Variants in IFT80 observed in about 807,000 individuals in gnomAD.
IFT80 encodes intraflagellar transport 80, also known as intraflagellar transport protein 80 homolog.
In IFT80, 79 loss-of-function variants were observed where a neutral mutation model predicts 107.9. That is an observed-to-expected ratio of 0.73 (90% confidence interval 0.61 to 0.88). IFT80 has a LOEUF of 0.88. Ranked by LOEUF, IFT80 falls within the 40% of genes least tolerant of loss-of-function variation. IFT80 has a pLI of 0.00. For missense variants in IFT80, 797 were observed against 914.2 expected, an observed-to-expected ratio of 0.87 and a Z score of 1.65; for synonymous variants, 299 against 300.9, an observed-to-expected ratio of 0.99 and a Z score of 0.07.
chr3:160,379,714 A>G (rs1207885988), intron 3 of IFT80, among the ~76,000 whole-genome samples: 3 of 152,202 alleles, frequency 2.0e-5, no homozygotes, highest in African/African-American at 7.2e-5. Context: ...AATTATATCA[A>G]AATAATTGTT....
chr3:160,377,999 C>T (rs1712162770), intron 3 of IFT80: 1 of 153,056 alleles, frequency 6.5e-6, no homozygotes, highest in African/African-American at 2.4e-5. Context: ...TTATTCTTTG[C>T]ACTGTTGACT....
chr3:160,355,148 T>A (rs1053042590), intron 8 of IFT80, among the ~76,000 whole-genome samples: 4 of 152,338 alleles, frequency 2.6e-5, no homozygotes, highest in Admixed American at 1.3e-4. Context: ...TTCCCCAGGT[T>A]CTAAACAGAA....
At position 160,268,455 on chromosome 3, in the gene IFT80, A is replaced by C. The variant is rs1377671160; in HGVS notation, c.2181T>G (p.Gly727=). Reference sequence around the variant, plus strand: ...AGTATCGTTTATTAGTTTCCTGTTTACCAAATGTCTCCAAAAACTTTTGAC... The same window carrying C: ...AGTATCGTTTATTAGTTTCCTGTTTCCCAAATGTCTCCAAAAACTTTTGAC... ...AYRQKFLETF[G]KQETNKRYLH... is the part of the protein sequence containing the mutation. Residue 727 remains glycine, a synonymous_variant, in exon 19 of 20, where the codon GGT becomes GGG. Transcript: ENST00000326448. 6.2e-7 allele frequency: 1 copy of C among 1,613,456 alleles called. No individual in the cohort carries two copies. Among genetic ancestry groups the C allele is most frequent in the Admixed American group, 1.7e-5 (1 of 60,002 alleles).
Position 160,277,633 on chromosome 3 carries a change from A to G in IFT80, c.1874T>C (p.Val625Ala). Residue 625 changes from valine (V) to alanine (A), a missense_variant, in exon 17 of 20, where the codon GTT becomes GCT. Physicochemically the swap from Val to Ala is moderately conservative, Grantham distance 64 (BLOSUM62 0). Transcript: ENST00000326448. ...TGCAGTAGTCATATCTCGATTAGCA[A>G]CTGCCATAGCAGCTAGACAAGCCCA... ...TMWACLAAMA[V>A]ANRDMTTAEI... The G allele has an allele frequency of 1.9e-6, 3 of 1,613,738 alleles. No individual in the cohort carries two copies. Among genetic ancestry groups the G allele is most frequent in the Non-Finnish European group, 2.5e-6 (3 of 1,179,786 alleles).
At chr3:160,348,113 A>G (rs909968087) in intron 8 of IFT80, among the ~76,000 whole-genome samples, 2 of 152,088 alleles carry the variant, frequency 1.3e-5, no homozygotes, top group Admixed American at 1.3e-4. Flanking sequence ...ATATCATTTT[A>G]TTTATTTACT....
At chr3:160,279,060 C>A in intron 16 of IFT80, 133 bp downstream of exon 16, 1 of 689,850 alleles carries the variant, frequency 1.4e-6, no homozygotes, top group East Asian at 2.7e-5. Flanking sequence ...TTGCCCATGT[C>A]TTTACTTATA....
intron 12 of IFT80, among the ~76,000 whole-genome samples, chr3:160,299,628 T>C (rs1396818328): frequency 6.6e-6 from 1 of 152,200 alleles, no homozygotes; most frequent in Non-Finnish European, 1.5e-5. Context: ...CTTCTTTGTG[T>C]ACACTTACTT....
intron 8 of IFT80, among the ~76,000 whole-genome samples, chr3:160,351,586 GTATATATAATATATATATTTGTATATAT>G (rs1281140047): frequency 6.9e-6 from 1 of 144,570 alleles, no homozygotes; most frequent in African/African-American, 2.5e-5. Context: ...TATATTATAT[GTATATATAATATATATATTTGTATATAT>G]TATATATATA....
intron 13 of IFT80, among the ~76,000 whole-genome samples, chr3:160,285,122 T>C (rs1714989652): frequency 6.6e-6 from 1 of 152,138 alleles, no homozygotes; most frequent in South Asian, 2.1e-4. Context: ...GTGGATTGCT[T>C]GAGCTCAGGA....
At chr3:160,361,953 C>T (rs1236816492) in intron 6 of IFT80, among the ~76,000 whole-genome samples, 1 of 152,072 alleles carries the variant, frequency 6.6e-6, no homozygotes, top group African/African-American at 2.4e-5. Context: ...ACCCTAACAT[C>T]ACAATTAAAA....
At position 160,282,550 on chromosome 3, in the gene IFT80, T is replaced by C; in HGVS notation, c.1444A>G (p.Ile482Val). The change falls in exon 14 of 20, where the codon ATT (isoleucine) becomes GTT (valine). Residue 482 changes from isoleucine (I) to valine (V), a missense_variant. Transcript: ENST00000326448. ...GLTNDRKIAF[I>V]DKNRDLCITS... ...ATACAGAGATCTCTATTTTTATCAA[T>C]GAAAGCAATTTTTCTATCATTGGTA... The C allele has an allele frequency of 6.3e-7, 1 of 1,593,782 alleles. No homozygotes were observed.
intron 8 of IFT80, among the ~76,000 whole-genome samples, chr3:160,334,635 T>C (rs1402327644): frequency 6.6e-6 from 1 of 152,180 alleles, no homozygotes; most frequent in Non-Finnish European, 1.5e-5. Flanking sequence ...CAGGCTGGTC[T>C]TGAACTCCTG....
Position 160,279,337 on chromosome 3 carries a change from C to T in IFT80, c.1692G>A (p.Val564=). 1 of 1,612,976 alleles carries T rather than the reference C, an allele frequency of 6.2e-7. No individual in the cohort carries two copies. Among genetic ancestry groups the T allele is most frequent in the East Asian group, 2.2e-5 (1 of 44,822 alleles). ...ASEFSKNPHI[V]SFVGNQVTIR... is the part of the protein sequence containing the mutation. ...TAGTTACTTGATTTCCAACAAAACT[C>T]ACAATATGGGGATTTTTACTAAATT... The change falls in exon 16 of 20, where the codon GTG becomes GTA. Residue 564 remains valine, a synonymous_variant. Coordinates refer to ENST00000326448, the MANE Select transcript of IFT80 (RefSeq NM_020800.3).
chr3:160,375,248 A>G (rs1169744799), intron 5 of IFT80, among the ~76,000 whole-genome samples: 1 of 152,252 alleles, frequency 6.6e-6, no homozygotes, highest in African/African-American at 2.4e-5. Context: ...CTAACTTCCA[A>G]TAGGAAGGAC....
intron 9 of IFT80, 117 bp from the exon 10 acceptor site, chr3:160,307,898 T>C: frequency 1.5e-6 from 1 of 665,626 alleles, no homozygotes; most frequent in Admixed American, 2.4e-5. Flanking sequence ...TACCTAATCA[T>C]ATAAAAAAGA....
chr3:160,320,684 C>T (rs1718143764), intron 8 of IFT80, among the ~76,000 whole-genome samples: 1 of 151,774 alleles, frequency 6.6e-6, no homozygotes, highest in Admixed American at 6.6e-5. Flanking sequence ...TACATATTCT[C>T]TTTTCATTCT....
chr3:160,351,920 TC>T (rs1406383764), intron 8 of IFT80, among the ~76,000 whole-genome samples: 1 of 152,018 alleles, frequency 6.6e-6, no homozygotes, highest in Non-Finnish European at 1.5e-5. Flanking sequence ...TCTGAAAGAA[TC>T]AGTCTAGAAC....
chr3:160,382,651 C>T (rs1435848291), intron 2 of IFT80, among the ~76,000 whole-genome samples: 1 of 152,116 alleles, frequency 6.6e-6, no homozygotes, highest in African/African-American at 2.4e-5. Flanking sequence ...TTCTATATTG[C>T]CAGATTATTC....
Position 160,307,674 on chromosome 3 carries a change from A to G in IFT80, c.1065T>C (p.Cys355=), listed in dbSNP as rs1322133211. Residue 355 remains cysteine (C), a synonymous_variant, in exon 10 of 20, where the codon TGT becomes TGC. Transcript: ENST00000326448. ...TGCAAGATGCTTACGAGAACACGTA[A>G]CATTGAAGAGACGTTGAAACAACTA... The part of the protein sequence containing the change: ...AHLVVSTSLQ[C]YVFSTKNWNT... 34 of 1,521,348 alleles carry G rather than the reference A, an allele frequency of 2.2e-5. No individual in the cohort carries two copies. The highest frequency in any genetic ancestry group is 3.1e-5 in the Non-Finnish European group (34 of 1,095,726). 94.2% of individuals were successfully genotyped at this position (1,521,348 alleles called of 1,614,324 possible). A position where few individuals can be genotyped will look rare whatever the true frequency, so the allele number is the denominator to read the frequency against.
Sources: gnomAD v4.1 joint callset for allele counts (sites outside exome capture counted in the v4.1 genomes callset) on GRCh38, gnomAD v4.1.1 for gene constraint, MANE v1.5 for transcripts, NCBI Gene and HGNC (gene_info 2026-07-23, HGNC 2026-07-21) for gene names.